The following TRAPPC9 variants were observed in gnomAD, a reference collection of about 807,000 sequenced individuals.
The protein encoded by TRAPPC9 is trafficking protein particle complex subunit 9, also known as IKK2 binding protein.
Under a neutral mutation model 124.0 loss-of-function variants are expected in TRAPPC9, and 83 were observed. The observed-to-expected ratio is 0.67, with a 90% CI of 0.56 to 0.80. TRAPPC9 has a LOEUF of 0.80. Among genes scored for constraint, TRAPPC9 ranks in the 30% least tolerant of loss-of-function variants. The pLI is 0.00. For missense variants in TRAPPC9, 1,302 were observed against 1,508.3 expected (o/e 0.86, Z 2.27); for synonymous variants, 638 against 617.5 (o/e 1.03, Z -0.49).
intron 2 of TRAPPC9, among the ~76,000 whole-genome samples, chr8:140,440,631 C>T (rs1046193961): frequency 6.6e-6 from 1 of 152,186 alleles, no homozygotes; most frequent in Non-Finnish European, 1.5e-5. Context: ...TGCTTCTATA[C>T]ACACACAGCC....
At chr8:140,044,993 G>A (rs866858977) in intron 17 of TRAPPC9, among the ~76,000 whole-genome samples, 1 of 152,116 alleles carries the variant, frequency 6.6e-6, no homozygotes, top group Non-Finnish European at 1.5e-5. Context: ...ACAAGGAATC[G>A]CCAAGATTGA....
chr8:140,403,536 G>A (rs1425956226), intron 6 of TRAPPC9, among the ~76,000 whole-genome samples: 1 of 152,104 alleles, frequency 6.6e-6, no homozygotes, highest in Admixed American at 6.5e-5. Context: ...ATGAGCCAAT[G>A]CACTCAGCTG....
Position 139,885,955 on chromosome 8 carries a change from G to A in TRAPPC9, c.2979C>T (p.Arg993=). 6.4e-7 allele frequency: 1 copy of A among 1,567,676 alleles called. No individual in the cohort carries two copies. The highest frequency in any genetic ancestry group is 8.7e-7 in the Non-Finnish European group (1 of 1,155,340). The part of the protein sequence containing the change: ...GICWRIPSLK[R]SGEASVEGLL... ...GTCCTTCCACACTCGCCTCGCCACT[G>A]CGCTTCAGGGAGGGGTGAGCCTTGG... Residue 993 remains arginine, a synonymous_variant, in exon 21 of 23, where the codon CGC becomes CGT. Transcript: ENST00000438773.
intron 17 of TRAPPC9, among the ~76,000 whole-genome samples, chr8:140,119,604 A>G (rs1172117976): frequency 6.6e-6 from 1 of 152,248 alleles, no homozygotes; most frequent in African/African-American, 2.4e-5. Flanking sequence ...CTATTAAGTA[A>G]TTAGACCGTC....
At chr8:140,286,378 A>C (rs1296854544) in intron 13 of TRAPPC9, among the ~76,000 whole-genome samples, 1 of 152,194 alleles carries the variant, frequency 6.6e-6, no homozygotes, top group Non-Finnish European at 1.5e-5. Flanking sequence ...GAGAGATGTC[A>C]GGGGCATATT....
intron 19 of TRAPPC9, among the ~76,000 whole-genome samples, chr8:139,944,096 T>G (rs1834071032): frequency 6.6e-6 from 1 of 152,182 alleles, no homozygotes; most frequent in Non-Finnish European, 1.5e-5. Context: ...GGAAAGGAAC[T>G]TTCAACCAGA....
intron 17 of TRAPPC9, among the ~76,000 whole-genome samples, chr8:140,171,016 C>T (rs1449854598): frequency 6.6e-6 from 1 of 152,242 alleles, no homozygotes; most frequent in Non-Finnish European, 1.5e-5. Flanking sequence ...AGCCACATTC[C>T]TGCCACCTGG....
intron 17 of TRAPPC9, among the ~76,000 whole-genome samples, chr8:140,120,665 CCCAT>C (rs1563776033): frequency 1.4e-5 from 2 of 146,132 alleles, no homozygotes; most frequent in East Asian, 2.1e-4. Flanking sequence ...CATCCATCCA[CCCAT>C]CCATCCAACA....
chr8:139,925,334 T>C (rs1832744562), intron 19 of TRAPPC9, among the ~76,000 whole-genome samples: 1 of 152,054 alleles, frequency 6.6e-6, no homozygotes, highest in South Asian at 2.1e-4. Flanking sequence ...CAGAGTTGCA[T>C]ATGGAGGTGG....
At chr8:139,822,626 G>GT (rs113229080) in intron 21 of TRAPPC9, among the ~76,000 whole-genome samples, 3 of 152,086 alleles carry the variant, frequency 2.0e-5, no homozygotes, top group Non-Finnish European at 4.4e-5. Context: ...TAGGATGGCG[G>GT]GGGGGGGCTG....
chr8:139,806,990 C>CA (rs1824114253), intron 21 of TRAPPC9, among the ~76,000 whole-genome samples: 1 of 152,224 alleles, frequency 6.6e-6, no homozygotes, highest in Non-Finnish European at 1.5e-5. Context: ...TAGCGGCCTC[C>CA]GGAGAGCCAC....
chr8:139,968,285 T>C (rs1188389513), intron 19 of TRAPPC9, among the ~76,000 whole-genome samples: 1 of 152,182 alleles, frequency 6.6e-6, no homozygotes, highest in African/African-American at 2.4e-5. Context: ...ATCTCCCCCA[T>C]GTTTAGCTGC....
intron 7 of TRAPPC9, among the ~76,000 whole-genome samples, chr8:140,377,481 TAG>T (rs2068476792): frequency 6.6e-6 from 1 of 152,128 alleles, no homozygotes; most frequent in African/African-American, 2.4e-5. Context: ...GTATTTTTAG[TAG>T]AGACAGGGTT....
intron 13 of TRAPPC9, 136 bp from the exon 14 acceptor site, chr8:140,284,157 T>C (rs768713184): frequency 1.7e-4 from 191 of 1,101,572 alleles, no homozygotes; most frequent in Non-Finnish European, 2.1e-4. Context: ...CCGCCGGCGC[T>C]CACCCACACT....
chr8:140,047,893 T>C (rs2132066903), intron 17 of TRAPPC9, among the ~76,000 whole-genome samples: 1 of 152,078 alleles, frequency 6.6e-6, no homozygotes, highest in Non-Finnish European at 1.5e-5. Context: ...GAGGGCGAGG[T>C]CAGGAGACAA....
chr8:140,446,584 G>A (rs532302810), intron 2 of TRAPPC9, among the ~76,000 whole-genome samples: 88 of 152,044 alleles, frequency 5.8e-4, no homozygotes, highest in African/African-American at 2.0e-3. Flanking sequence ...ATGGAGTTTC[G>A]CTCTTGTCGC....
intron 14 of TRAPPC9, among the ~76,000 whole-genome samples, chr8:140,279,207 T>G (rs1346952939): frequency 6.6e-6 from 1 of 152,198 alleles, no homozygotes; most frequent in Admixed American, 6.5e-5. Context: ...AGTTAGCAAA[T>G]TTGACTCTAG....
rs150578000 is a variant in TRAPPC9 at position 139,994,247 on chromosome 8, C to G, written c.2700-5411G>C. ...TGCCAGAGGGCATGTTGCTGTGCGT[C>G]GCTGAGCTGGCGGCCCTGTGGGCAG... is the stretch of plus-strand genomic sequence containing the variant. On this transcript the variant is annotated intron_variant, in intron 18 of 22. Transcript: ENST00000438773. Among the ~76,000 whole-genome samples the G allele has an allele frequency of 2.2e-3, 342 of 152,336 alleles. 1 individual carries two copies. Among genetic ancestry groups the G allele is most frequent in the Non-Finnish European group, 2.7e-3 (186 of 68,032 alleles).
At chr8:140,303,996 G>T (rs1406586745) in intron 10 of TRAPPC9, among the ~76,000 whole-genome samples, 1 of 151,998 alleles carries the variant, frequency 6.6e-6, no homozygotes, top group Non-Finnish European at 1.5e-5. Flanking sequence ...TTTTCAACCA[G>T]CTTACCCTGT....
Sources: allele counts gnomAD v4.1 joint callset (sites outside exome capture counted in the v4.1 genomes callset), GRCh38; gene constraint gnomAD v4.1.1; transcripts MANE v1.5; gene names NCBI Gene and HGNC (gene_info 2026-07-23, HGNC 2026-07-21).